Variants in CCDC14 observed in about 807,000 individuals in gnomAD.
The protein encoded by CCDC14 is coiled-coil domain containing 14, also known as coiled-coil domain-containing protein 14.
In CCDC14, 71 loss-of-function variants were observed where a neutral mutation model predicts 81.4. The observed-to-expected ratio is 0.87, with a 90% CI of 0.72 to 1.06. The LOEUF (loss-of-function observed/expected upper bound fraction) is 1.06, where lower values mean the gene tolerates loss of function less well. Ranked by LOEUF, CCDC14 falls within the 50% of genes least tolerant of loss-of-function variation. The pLI is 0.00. For synonymous variants in CCDC14, 332 were observed against 364.8 expected (o/e 0.91, Z 1.03); for missense variants, 1,046 against 1,047.3 (o/e 1.00, Z 0.02).
At chr3:123,916,468 T>TGTGTGTGTG (rs1559764283) in intron 12 of CCDC14, among the ~76,000 whole-genome samples, 157 of 146,174 alleles carry the variant, frequency 1.1e-3, no homozygotes, top group Middle Eastern at 3.4e-3. Flanking sequence ...ATATATGTGT[T>TGTGTGTGTG]TGTGTGTGTG....
downstream of CCDC14, among the ~76,000 whole-genome samples, chr3:123,909,560 GAA>G (rs1183053646): frequency 6.6e-6 from 1 of 152,192 alleles, no homozygotes; most frequent in Non-Finnish European, 1.5e-5. Context: ...CAGATTTTAA[GAA>G]CACTGTGTGC....
intron 10 of CCDC14, among the ~76,000 whole-genome samples, chr3:123,932,433 A>G (rs1221367697): frequency 6.6e-6 from 1 of 152,126 alleles, no homozygotes; most frequent in Non-Finnish European, 1.5e-5. Context: ...TTGGGCAATC[A>G]TATTTTTTTC....
Position 123,947,346 on chromosome 3 carries a change from A to C in CCDC14, c.685-27T>G. 1.9e-6 allele frequency: 3 copies of C among 1,552,890 alleles called. No individual in the cohort carries two copies. The Admixed American group carries it at 5.5e-5, about 28-fold the overall frequency. ...TAAAGAAAGATAAAAACAAGTCTTCAGAAGTATGAGCACTCATTTGTAGGT... is the reference window on the plus strand; with the variant it reads ...TAAAGAAAGATAAAAACAAGTCTTCCGAAGTATGAGCACTCATTTGTAGGT... On this transcript the variant is annotated intron_variant, in intron 7 of 12. Transcript: ENST00000409697.
chr3:123,936,424 A>G (rs908475281), intron 9 of CCDC14, among the ~76,000 whole-genome samples: 12 of 152,052 alleles, frequency 7.9e-5, no homozygotes, highest in African/African-American at 2.9e-4. Context: ...TATAAACTAC[A>G]TAAATTTAAA....
At chr3:123,949,526 C>T (rs898949032) in intron 5 of CCDC14, 1 of 167,454 alleles carries the variant, frequency 6.0e-6, no homozygotes, top group Admixed American at 5.8e-5. Context: ...ATAGTTTGTA[C>T]AATTCTGATG....
chr3:123,940,341 T>C (rs531047595), intron 9 of CCDC14, among the ~76,000 whole-genome samples: 2 of 152,084 alleles, frequency 1.3e-5, no homozygotes, highest in East Asian at 1.9e-4. Context: ...TTTTCTTCTT[T>C]GAGCACTTTG....
chr3:123,941,479 G>A (rs1035300560), intron 9 of CCDC14, among the ~76,000 whole-genome samples: 1 of 151,740 alleles, frequency 6.6e-6, no homozygotes, highest in South Asian at 2.1e-4. Flanking sequence ...AAACACTTTC[G>A]AATGAACCAA....
At chr3:123,908,962 AAAAAAG>A (rs1027782965), downstream of CCDC14, among the ~76,000 whole-genome samples, 92 of 152,320 alleles carry the variant, frequency 6.0e-4, 2 homozygotes, top group Non-Finnish European at 5.6e-4. Flanking sequence ...ACTGACCTAA[AAAAAAG>A]AAAGATTAAT....
At chr3:123,937,079 C>T (rs767525333) in intron 9 of CCDC14, among the ~76,000 whole-genome samples, 14 of 152,076 alleles carry the variant, frequency 9.2e-5, no homozygotes, top group Non-Finnish European at 1.8e-4. Flanking sequence ...TAGTATTCTA[C>T]TGTATGGATA....
chr3:123,954,774 TA>T (rs2148955112), intron 5 of CCDC14: 1 of 152,282 alleles, frequency 6.6e-6, no homozygotes, highest in East Asian at 1.9e-4. Context: ...AAAAGTTTTA[TA>T]ATAACTGGAT....
chr3:123,914,028 T>C lies in CCDC14; in HGVS notation c.*751A>G. 6 of 985,208 alleles carry C rather than the reference T, an allele frequency of 6.1e-6. No homozygotes were observed. Among genetic ancestry groups the C allele is most frequent in the Non-Finnish European group, 7.2e-6 (6 of 829,416 alleles). 61.0% of individuals were successfully genotyped at this position (985,208 alleles called of 1,614,324 possible). ...CCAAGATTTACAAATTCCATCATGT[T>C]TAAATATAAGGACAAAAATAAACAT... On this transcript the variant is annotated 3_prime_UTR_variant, in exon 13 of 13. Coordinates refer to ENST00000409697, the MANE Select transcript of CCDC14 (RefSeq NM_001366335.1).
intron 5 of CCDC14, among the ~76,000 whole-genome samples, chr3:123,951,760 T>C (rs1024811223): frequency 2.6e-5 from 4 of 152,230 alleles, no homozygotes; most frequent in Non-Finnish European, 5.9e-5. Flanking sequence ...AGCTACATTA[T>C]GCCTCAGCCA....
rs2034548200 is a variant in CCDC14 at position 123,914,513 on chromosome 3, T to G, written c.*266A>C. On this transcript the variant is annotated 3_prime_UTR_variant, in exon 13 of 13. Coordinates refer to ENST00000409697, the MANE Select transcript of CCDC14 (RefSeq NM_001366335.1). ...CAGATACATCTTAATAAAAGAACTCTAATTGCTAAGTACTGAAATAAAACA... is the reference window on the plus strand; with the variant it reads ...CAGATACATCTTAATAAAAGAACTCGAATTGCTAAGTACTGAAATAAAACA... 9.3e-7 allele frequency: 1 copy of G among 1,079,134 alleles called. No individual in the cohort carries two copies. 66.8% of individuals were successfully genotyped at this position (1,079,134 alleles called of 1,614,324 possible). A position where few individuals can be genotyped will look rare whatever the true frequency, so the allele number is the denominator to read the frequency against.
Position 123,915,628 on chromosome 3 carries a change from G to C in CCDC14, c.1869C>G (p.Leu623=), listed in dbSNP as rs148318048. The part of the protein sequence containing the change: ...CKPGNNLTKS[L]LNIHDKQLQH... The stretch of plus-strand genomic sequence containing the variant: ...GAAGTTGTTTATCATGAATGTTCAA[G>C]AGTGATTTGGTAAGGTTATTCCCAG... Residue 623 remains leucine, a synonymous_variant, in exon 13 of 13, where the codon CTC becomes CTG. Coordinates refer to ENST00000409697, the MANE Select transcript of CCDC14 (RefSeq NM_001366335.1). 4.2e-5 allele frequency: 68 copies of C among 1,613,914 alleles called. No homozygotes were observed. Among genetic ancestry groups the C allele is most frequent in the Middle Eastern group, 3.3e-4 (2 of 6,084 alleles).
At chr3:123,925,735 C>T (rs895344534) in intron 12 of CCDC14, among the ~76,000 whole-genome samples, 1 of 152,098 alleles carries the variant, frequency 6.6e-6, no homozygotes, top group Non-Finnish European at 1.5e-5. Context: ...CACGTCCAGC[C>T]TAGGGTGATT....
intron 5 of CCDC14, among the ~76,000 whole-genome samples, chr3:123,906,628 C>T (rs1054690910): frequency 6.6e-6 from 1 of 152,084 alleles, no homozygotes; most frequent in African/African-American, 2.4e-5. Context: ...ACCTCCCATA[C>T]CCATTAGAGT....
chr3:123,893,093 C>G (rs910638444), downstream of CCDC14, among the ~76,000 whole-genome samples: 5 of 152,190 alleles, frequency 3.3e-5, no homozygotes, highest in African/African-American at 1.2e-4. Flanking sequence ...CATGAGCCAC[C>G]GTGCCCTGCC....
At chr3:123,959,723 G>A (rs1427496116) in intron 1 of CCDC14, among the ~76,000 whole-genome samples, 1 of 152,088 alleles carries the variant, frequency 6.6e-6, no homozygotes. Context: ...ACAGTGGTAC[G>A]TGGAAACCAA....
intron 5 of CCDC14, chr3:123,953,444 C>T (rs1000188181): frequency 3.9e-5 from 6 of 152,226 alleles, no homozygotes; most frequent in Non-Finnish European, 1.5e-5. Context: ...CCAATGGGAA[C>T]TAGGGTGAAT....
Sources: allele counts gnomAD v4.1 joint callset (sites outside exome capture counted in the v4.1 genomes callset), GRCh38; gene constraint gnomAD v4.1.1; transcripts MANE v1.5; gene names NCBI Gene and HGNC (gene_info 2026-07-23, HGNC 2026-07-21).